SPATA9: variants seen among roughly 807,000 people sequenced by gnomAD.
SPATA9 encodes spermatogenesis-associated protein 9.
SPATA9 carries 27 observed loss-of-function variants against 25.5 expected under a neutral mutation model. The observed-to-expected ratio is 1.06, with a 90% CI of 0.78 to 1.46. SPATA9 has a LOEUF of 1.46. SPATA9 is among the 40% of genes most tolerant of loss of function. The pLI, the probability that SPATA9 is intolerant of heterozygous loss-of-function variation, is 0.00. For synonymous variants in SPATA9, 102 were observed against 105.7 expected (o/e 0.97, Z 0.21); for missense variants, 282 against 297.5 (o/e 0.95, Z 0.38).
the SPATA9 span, among the ~76,000 whole-genome samples, chr5:95,720,741 C>T: frequency 2.6e-5 from 4 of 152,016 alleles, no homozygotes; most frequent in South Asian, 4.2e-4. Flanking sequence ...TAGATAGACT[C>T]GTAGACTTTT....
upstream of SPATA9, among the ~76,000 whole-genome samples, chr5:95,685,906 G>A (rs1408288235): frequency 2.0e-5 from 3 of 152,184 alleles, no homozygotes; most frequent in South Asian, 4.2e-4. Flanking sequence ...GCGCGATCTC[G>A]GCTCACTGCA....
chr5:95,717,897 T>TA, the SPATA9 span: 1 of 152,250 alleles, frequency 6.6e-6, no homozygotes, highest in Non-Finnish European at 1.5e-5. Context: ...ATTTGGTTTA[T>TA]AGTTATTCAT....
the SPATA9 span, among the ~76,000 whole-genome samples, chr5:95,719,105 C>T: frequency 6.6e-6 from 1 of 152,066 alleles, no homozygotes; most frequent in African/African-American, 2.4e-5. Context: ...TCATAGAGAA[C>T]ATGGACATAT....
chr5:95,719,991 A>G, the SPATA9 span, among the ~76,000 whole-genome samples: 2 of 152,222 alleles, frequency 1.3e-5, no homozygotes, highest in Non-Finnish European at 2.9e-5. Context: ...TGGGCTTCCC[A>G]TGTAGACTTT....
At chr5:95,692,485 TAGTC>T (rs1753918126) in intron 1 of SPATA9, among the ~76,000 whole-genome samples, 1 of 152,096 alleles carries the variant, frequency 6.6e-6, no homozygotes, top group South Asian at 2.1e-4. Context: ...ATTTAATTTT[TAGTC>T]TTCTGGATCT....
chr5:95,675,783 A>G (rs892215102), intron 2 of SPATA9, 144 bp from the exon 3 acceptor site: 1 of 551,204 alleles, frequency 1.8e-6, no homozygotes, highest in Non-Finnish European at 3.1e-6. Flanking sequence ...CTGTCCCCCC[A>G]TGAAACCCCT....
chr5:95,682,904 G>C lies in SPATA9; in HGVS notation c.-50C>G. On this transcript the variant is annotated 5_prime_UTR_variant, in exon 1 of 5. Coordinates refer to ENST00000274432, the MANE Select transcript of SPATA9 (RefSeq NM_031952.4). ...GTCCTTAACAAGCTTGCAGGCCTGG[G>C]TAATGCTTGTCCTAGTCTGCCATTA... 6.8e-7 allele frequency: 1 copy of C among 1,463,742 alleles called. No individual in the cohort carries two copies. Among genetic ancestry groups the C allele is most frequent in the Non-Finnish European group, 9.0e-7 (1 of 1,108,528 alleles). 90.7% of individuals were successfully genotyped at this position (1,463,742 alleles called of 1,614,324 possible).
At chr5:95,708,502 C>T in the SPATA9 span, 1 of 691,120 alleles carries the variant, frequency 1.4e-6, no homozygotes, top group Non-Finnish European at 2.6e-6. Flanking sequence ...TCTGGTTGAT[C>T]CCCCAAAGTA....
chr5:95,683,739 G>A (rs1168007685), upstream of SPATA9, among the ~76,000 whole-genome samples: 5 of 151,950 alleles, frequency 3.3e-5, no homozygotes, highest in Non-Finnish European at 5.9e-5. Flanking sequence ...GGGTTTCACC[G>A]TGTTAGCTAG....
chr5:95,709,048 T>C, the SPATA9 span, among the ~76,000 whole-genome samples: 2 of 152,140 alleles, frequency 1.3e-5, no homozygotes, highest in African/African-American at 4.8e-5. Context: ...CAAGCAGGAA[T>C]TCAATCCGCC....
the SPATA9 span, among the ~76,000 whole-genome samples, chr5:95,720,135 C>G: frequency 4.5e-4 from 68 of 152,272 alleles, no homozygotes; most frequent in African/African-American, 1.6e-3. Context: ...TGAGACAAAC[C>G]TAGTCCCCTG....
intron 3 of SPATA9, among the ~76,000 whole-genome samples, chr5:95,667,257 CTT>C (rs1751898850): frequency 1.6e-5 from 2 of 128,788 alleles, no homozygotes; most frequent in East Asian, 4.7e-4. Flanking sequence ...CTTCTTCCCT[CTT>C]AAGTGATTTA....
Position 95,658,563 on chromosome 5 carries a change from G to T in SPATA9, c.*60C>A. 1 of 1,522,230 alleles carries T rather than the reference G, an allele frequency of 6.6e-7. No individual in the cohort carries two copies. The highest frequency in any genetic ancestry group is 8.8e-7 in the Non-Finnish European group (1 of 1,138,892). The allele number at this position is 1,522,230 out of a possible 1,614,324, so 94.3% of individuals were successfully genotyped here. A position where few individuals can be genotyped will look rare whatever the true frequency, so the allele number is the denominator to read the frequency against. On this transcript the variant is annotated 3_prime_UTR_variant, in exon 5 of 5. Coordinates refer to ENST00000274432, the MANE Select transcript of SPATA9 (RefSeq NM_031952.4). ...ATATGTAAACTAGACTCTGAGTTTT[G>T]TCAGATGAAATGTGCCATTAAATAG...
upstream of SPATA9, among the ~76,000 whole-genome samples, chr5:95,685,870 T>C (rs1753731129): frequency 2.0e-5 from 3 of 152,238 alleles, no homozygotes; most frequent in Non-Finnish European, 2.9e-5. Flanking sequence ...GGAGTCTCAC[T>C]CTCTCACCCA....
At chr5:95,654,279 C>T, downstream of SPATA9, 1 of 1,607,750 alleles carries the variant, frequency 6.2e-7, no homozygotes. Flanking sequence ...AACCATGAAA[C>T]TATCAAAATT....
upstream of SPATA9, chr5:95,682,993 C>T: frequency 7.5e-7 from 1 of 1,341,556 alleles, no homozygotes. Flanking sequence ...CAGCTCACTG[C>T]TGGAATTCTT....
chr5:95,700,744 T>C (rs1460121313), upstream of SPATA9, among the ~76,000 whole-genome samples: 2 of 152,166 alleles, frequency 1.3e-5, no homozygotes. Context: ...CTACATCTTA[T>C]ATAACTATAG....
chr5:95,689,024 A>C (rs1328544870), intron 1 of SPATA9, among the ~76,000 whole-genome samples: 3 of 152,236 alleles, frequency 2.0e-5, no homozygotes, highest in Non-Finnish European at 2.9e-5. Flanking sequence ...ACACACATAT[A>C]AATACACATA....
At chr5:95,668,118 T>C (rs975621778) in intron 3 of SPATA9, among the ~76,000 whole-genome samples, 2 of 152,222 alleles carry the variant, frequency 1.3e-5, no homozygotes, top group Admixed American at 6.5e-5. Flanking sequence ...TATTTCTTTA[T>C]AGAAGTGCAA....
Sources: allele counts gnomAD v4.1 joint callset (sites outside exome capture counted in the v4.1 genomes callset), GRCh38; gene constraint gnomAD v4.1.1; transcripts MANE v1.5; gene names NCBI Gene and HGNC (gene_info 2026-07-23, HGNC 2026-07-21).